SLC28A3: variants seen among roughly 807,000 people sequenced by gnomAD.
The protein encoded by SLC28A3 is concentrative Na(+)-nucleoside cotransporter 3.
In SLC28A3, 68 loss-of-function variants were observed where a neutral mutation model predicts 84.2. That is an observed-to-expected ratio of 0.81 (90% CI 0.66 to 0.99). The LOEUF is 0.99. Ranked by LOEUF, SLC28A3 falls within the 50% of genes least tolerant of loss-of-function variation. The pLI is 0.00. For synonymous variants in SLC28A3, 267 were observed against 303.6 expected (o/e 0.88, Z 1.25); for missense variants, 712 against 841.5 (o/e 0.85, Z 1.90).
At chr9:84,362,002 T>C in the SLC28A3 span, among the ~76,000 whole-genome samples, 1 of 152,196 alleles carries the variant, frequency 6.6e-6, no homozygotes, top group Non-Finnish European at 1.5e-5. Flanking sequence ...TGCATCTTAG[T>C]GTTCCAGTAC....
intron 15 of SLC28A3, 100 bp from the exon 16 acceptor site, chr9:84,280,173 A>AT: frequency 1.0e-6 from 1 of 964,728 alleles, no homozygotes; most frequent in Admixed American, 3.0e-5. Flanking sequence ...AGGTCAGCTG[A>AT]CTTTTTTTTT....
chr9:84,283,643 C>G (rs1824858161), intron 14 of SLC28A3, among the ~76,000 whole-genome samples: 1 of 152,020 alleles, frequency 6.6e-6, no homozygotes, highest in Non-Finnish European at 1.5e-5. Context: ...TAAAAACAGG[C>G]AAAGTATTAT....
At chr9:84,360,000 CT>C in the SLC28A3 span, among the ~76,000 whole-genome samples, 1 of 118,798 alleles carries the variant, frequency 8.4e-6, no homozygotes, top group Non-Finnish European at 1.7e-5. Context: ...AAAACTCTGT[CT>C]CAAAAAAAAA....
intron 1 of SLC28A3, among the ~76,000 whole-genome samples, chr9:84,323,233 G>A (rs538353360): frequency 6.6e-6 from 1 of 152,256 alleles, no homozygotes; most frequent in African/African-American, 2.4e-5. Context: ...CTAGGCACCA[G>A]TACATTACCT....
At chr9:84,325,090 T>C (rs987670116) in intron 1 of SLC28A3, among the ~76,000 whole-genome samples, 3 of 152,228 alleles carry the variant, frequency 2.0e-5, no homozygotes, top group Non-Finnish European at 2.9e-5. Flanking sequence ...AACCAAGATT[T>C]TGCAATCAAT....
At chr9:84,280,998 C>G in intron 14 of SLC28A3, 116 bp from the exon 15 acceptor site, 2 of 947,924 alleles carry the variant, frequency 2.1e-6, no homozygotes, top group Non-Finnish European at 3.2e-6. Flanking sequence ...AATGCACAGT[C>G]CATGGTATCA....
chr9:84,342,708 C>T (rs1226974474), upstream of SLC28A3, among the ~76,000 whole-genome samples: 2 of 152,138 alleles, frequency 1.3e-5, no homozygotes, highest in East Asian at 1.9e-4. Context: ...AGGCACTGTG[C>T]CTGGCCACAA....
upstream of SLC28A3, among the ~76,000 whole-genome samples, chr9:84,341,358 AG>A (rs71366937): frequency 0.27 from 40,237 of 151,820 alleles, 7,211 homozygotes; most frequent in African/African-American, 0.51. Flanking sequence ...GGTGGGGTGG[AG>A]GGTGAGTGAA....
At chr9:84,307,025 C>T (rs1481717011) in intron 3 of SLC28A3, among the ~76,000 whole-genome samples, 1 of 131,580 alleles carries the variant, frequency 7.6e-6, no homozygotes, top group African/African-American at 2.9e-5. Flanking sequence ...AAAAAAGCTT[C>T]GTGTGATGGC....
At chr9:84,315,036 C>T (rs76968498) in intron 1 of SLC28A3, among the ~76,000 whole-genome samples, 1,636 of 152,218 alleles carry the variant, frequency 0.011, 29 homozygotes, top group African/African-American at 0.037. Context: ...GAGATCACAC[C>T]ACTCTGCACT....
chr9:84,349,498 A>G, the SLC28A3 span, among the ~76,000 whole-genome samples: 1 of 152,202 alleles, frequency 6.6e-6, no homozygotes, highest in Non-Finnish European at 1.5e-5. Flanking sequence ...TGGCCTCCCA[A>G]AATGTTGGGA....
intron 1 of SLC28A3, among the ~76,000 whole-genome samples, chr9:84,321,253 C>G (rs1826364734): frequency 6.6e-6 from 1 of 152,098 alleles, no homozygotes; most frequent in Non-Finnish European, 1.5e-5. Flanking sequence ...TTCTTACTCT[C>G]ATTTGCTTCT....
At chr9:84,351,307 T>C in the SLC28A3 span, among the ~76,000 whole-genome samples, 1 of 152,186 alleles carries the variant, frequency 6.6e-6, no homozygotes, top group Non-Finnish European at 1.5e-5. Flanking sequence ...GGTCTCTTGT[T>C]GACTAAAATG....
intron 3 of SLC28A3, among the ~76,000 whole-genome samples, chr9:84,307,449 AAAC>A (rs1412312430): frequency 1.3e-5 from 2 of 150,996 alleles, no homozygotes; most frequent in African/African-American, 4.9e-5. Context: ...AAAAAAACAA[AAAC>A]AAAAACAAAA....
chr9:84,278,146 C>CTTTTTT lies in SLC28A3; in HGVS notation c.*66_*71dup. 7.2e-7 allele frequency: 1 copy of CTTTTTT among 1,380,760 alleles called. No individual in the cohort carries two copies. The highest frequency in any genetic ancestry group is 9.8e-7 in the Non-Finnish European group (1 of 1,020,962). The allele number at this position is 1,380,760 out of a possible 1,614,324, so 85.5% of individuals were successfully genotyped here. A position where few individuals can be genotyped will look rare whatever the true frequency, so the allele number is the denominator to read the frequency against. On this transcript the variant is annotated 3_prime_UTR_variant, in exon 18 of 18. Coordinates refer to ENST00000376238, the MANE Select transcript of SLC28A3 (RefSeq NM_001199633.2). ...AGCATCAATCTGTGGACAATAGCTT[C>CTTTTTT]TTTTTTTTTTCTTTCCAAAGCAGAA...
chr9:84,308,148 G>C (rs1825866514), intron 3 of SLC28A3, among the ~76,000 whole-genome samples: 1 of 152,150 alleles, frequency 6.6e-6, no homozygotes, highest in Admixed American at 6.5e-5. Flanking sequence ...GGCTGAGGTG[G>C]GAGGATCACC....
At chr9:84,352,096 A>AT in the SLC28A3 span, among the ~76,000 whole-genome samples, 3 of 152,180 alleles carry the variant, frequency 2.0e-5, no homozygotes, top group African/African-American at 7.2e-5. Flanking sequence ...CATTTTTTTA[A>AT]TAAGTTATGT....
rs1470445927 is a variant in SLC28A3, at chr9:84,277,597, C to T, written c.*621G>A. 1.3e-5 allele frequency: 2 copies of T among 152,102 alleles called. No individual in the cohort carries two copies. Among genetic ancestry groups the T allele is most frequent in the Non-Finnish European group, 2.9e-5 (2 of 68,048 alleles). The allele number at this position is 152,102 out of a possible 1,614,324, so 9.4% of individuals were successfully genotyped here. ...GTTTTTGGGTTGTTTGTTTCTGTAG[C>T]GTAATTTATGGTTAAACTGACTGAT... On this transcript the variant is annotated 3_prime_UTR_variant, in exon 18 of 18. Coordinates refer to ENST00000376238, the MANE Select transcript of SLC28A3 (RefSeq NM_001199633.2).
intron 10 of SLC28A3, 32 bp downstream of exon 10, chr9:84,292,636 A>T (rs1825281306): frequency 6.6e-7 from 1 of 1,526,610 alleles, no homozygotes; most frequent in African/African-American, 1.4e-5. Flanking sequence ...CCATTTCAAC[A>T]GATGTTTTGT....
Sources: allele counts gnomAD v4.1 joint callset (sites outside exome capture counted in the v4.1 genomes callset), GRCh38; gene constraint gnomAD v4.1.1; transcripts MANE v1.5; gene names NCBI Gene and HGNC (gene_info 2026-07-23, HGNC 2026-07-21).